Variants in RBFOX1 observed in about 807,000 individuals in gnomAD.
The protein encoded by RBFOX1 is RNA binding fox-1 homolog 1, also known as RNA binding protein fox-1 homolog 1.
A neutral mutation model predicts 57.7 loss-of-function variants in RBFOX1; 8 were observed. That is an observed-to-expected ratio of 0.14 (90% confidence interval 0.08 to 0.25). The LOEUF is 0.25. RBFOX1 is among the 10% of genes least tolerant of loss of function. The pLI is 1.00. For missense variants in RBFOX1, 611 were observed against 548.5 expected (o/e 1.11, Z -1.14); for synonymous variants, 326 against 222.4 (o/e 1.47, Z -4.15).
At chr16:6,808,550 A>T (rs1471319984) in intron 3 of RBFOX1, among the ~76,000 whole-genome samples, 1 of 152,090 alleles carries the variant, frequency 6.6e-6, no homozygotes, top group Non-Finnish European at 1.5e-5. Flanking sequence ...ATACTCAACA[A>T]ACATTGTCTG....
intron 2 of RBFOX1, among the ~76,000 whole-genome samples, chr16:6,587,553 A>G (rs1463442915): frequency 1.3e-5 from 2 of 152,116 alleles, no homozygotes; most frequent in South Asian, 2.1e-4. Context: ...AATTGCTGGG[A>G]TTACAGACAT....
At chr16:6,874,509 T>C (rs1219889333) in intron 3 of RBFOX1, among the ~76,000 whole-genome samples, 1 of 71,084 alleles carries the variant, frequency 1.4e-5, no homozygotes, top group Non-Finnish European at 2.4e-5. Context: ...AGACTCCATC[T>C]AAAAAAAAAA....
chr16:6,478,388 AATATATATATAT>A (rs71406379), intron 2 of RBFOX1, among the ~76,000 whole-genome samples: 569 of 41,396 alleles, frequency 0.014, 7 homozygotes, highest in Middle Eastern at 0.019. Flanking sequence ...ACACCCAGCT[AATATATATATAT>A]ATATATATAT....
chr16:5,438,904 C>G (rs2067998523), intron 1 of RBFOX1, among the ~76,000 whole-genome samples: 1 of 151,934 alleles, frequency 6.6e-6, no homozygotes, highest in Non-Finnish European at 1.5e-5. Context: ...GAAGGTCTCT[C>G]TTGTCTTCAA....
At chr16:5,792,583 C>G (rs1468889994) in intron 3 of RBFOX1, among the ~76,000 whole-genome samples, 1 of 152,186 alleles carries the variant, frequency 6.6e-6, no homozygotes, top group Non-Finnish European at 1.5e-5. Flanking sequence ...TGGCTCATGC[C>G]TGTAATCCCA....
At chr16:6,874,203 C>T (rs561750211) in intron 3 of RBFOX1, among the ~76,000 whole-genome samples, 1 of 151,978 alleles carries the variant, frequency 6.6e-6, no homozygotes, top group African/African-American at 2.4e-5. Flanking sequence ...ACACATGCTA[C>T]TCAGCCATAA....
chr16:7,332,994 C>A (rs753642368), intron 4 of RBFOX1: 1 of 1,613,510 alleles, frequency 6.2e-7, no homozygotes, highest in Non-Finnish European at 8.5e-7. Flanking sequence ...AATAACTCTA[C>A]GTAAAGCATG....
At chr16:7,432,458 T>C (rs1404861319) in intron 4 of RBFOX1, among the ~76,000 whole-genome samples, 1 of 152,176 alleles carries the variant, frequency 6.6e-6, no homozygotes. Context: ...GGAGAGACTG[T>C]CACTCAGGTT....
intron 4 of RBFOX1, among the ~76,000 whole-genome samples, chr16:7,321,924 G>A (rs1191531420): frequency 6.6e-6 from 1 of 152,132 alleles, no homozygotes; most frequent in Non-Finnish European, 1.5e-5. Context: ...CAGCCCCTTG[G>A]CTAATCCTCT....
chr16:5,662,520 G>GA (rs1195511945), intron 3 of RBFOX1, among the ~76,000 whole-genome samples: 2 of 152,130 alleles, frequency 1.3e-5, no homozygotes, highest in East Asian at 3.9e-4. Context: ...AAGTTGTTTT[G>GA]ACTTGGTAGA....
intron 3 of RBFOX1, among the ~76,000 whole-genome samples, chr16:6,989,589 A>T (rs2091055607): frequency 6.6e-6 from 1 of 152,178 alleles, no homozygotes; most frequent in South Asian, 2.1e-4. Flanking sequence ...AGCTGTGGAG[A>T]ATGCAACCAT....
intron 4 of RBFOX1, among the ~76,000 whole-genome samples, chr16:7,430,220 C>T (rs976107259): frequency 1.3e-5 from 2 of 152,170 alleles, no homozygotes; most frequent in African/African-American, 4.8e-5. Context: ...ACTATTCCAG[C>T]CTCATGTCTT....
At chr16:5,656,319 T>C (rs2049429520) in intron 3 of RBFOX1, among the ~76,000 whole-genome samples, 1 of 152,192 alleles carries the variant, frequency 6.6e-6, no homozygotes, top group African/African-American at 2.4e-5. Flanking sequence ...GAGGCGAGCA[T>C]ATCATTAAAA....
At chr16:6,406,203 G>A (rs1050723149) in intron 2 of RBFOX1, among the ~76,000 whole-genome samples, 3 of 152,226 alleles carry the variant, frequency 2.0e-5, no homozygotes, top group Non-Finnish European at 4.4e-5. Context: ...TGTCATTGAA[G>A]CATTTCTCTG....
intron 4 of RBFOX1, among the ~76,000 whole-genome samples, chr16:7,451,742 A>C (rs1030348244): frequency 7.1e-5 from 10 of 140,556 alleles, no homozygotes; most frequent in Non-Finnish European, 1.3e-4. Flanking sequence ...AGGAGAAAAC[A>C]TTTATTTCTC....
At chr16:5,926,853 G>C (rs1558231) in intron 4 of RBFOX1, among the ~76,000 whole-genome samples, 2,218 of 152,286 alleles carry the variant, frequency 0.015, 30 homozygotes, top group Non-Finnish European at 0.024. Context: ...TCAGCAACCT[G>C]TTAAGTCGGG....
chr16:6,561,309 G>C (rs376498055), intron 2 of RBFOX1, among the ~76,000 whole-genome samples: 1 of 152,136 alleles, frequency 6.6e-6, no homozygotes, highest in Admixed American at 6.5e-5. Flanking sequence ...CATGGTTTCA[G>C]AATTAATATG....
intron 1 of RBFOX1, among the ~76,000 whole-genome samples, chr16:5,273,681 C>T (rs145232599): frequency 2.0e-5 from 3 of 152,040 alleles, no homozygotes; most frequent in Non-Finnish European, 2.9e-5. Flanking sequence ...TAGTGAAGAC[C>T]TGTTATAGTG....
intron 3 of RBFOX1, among the ~76,000 whole-genome samples, chr16:5,646,499 A>T (rs1347162285): frequency 1.3e-5 from 2 of 152,264 alleles, no homozygotes; most frequent in East Asian, 3.9e-4. Flanking sequence ...ACTGACTGTG[A>T]CAATAGTGTG....
Sources: gnomAD v4.1 joint callset for allele counts (sites outside exome capture counted in the v4.1 genomes callset) on GRCh38, gnomAD v4.1.1 for gene constraint, MANE v1.5 for transcripts, NCBI Gene and HGNC (gene_info 2026-07-23, HGNC 2026-07-21) for gene names.